TANGO6: variants seen among roughly 807,000 people sequenced by gnomAD.
The protein encoded by TANGO6 is transport and golgi organization 6 homolog.
In TANGO6, 90 loss-of-function variants were observed where a neutral mutation model predicts 114.2. That is an observed-to-expected ratio of 0.79 (90% confidence interval 0.66 to 0.94). The LOEUF is 0.94. TANGO6 is among the 40% of genes least tolerant of loss of function. The probability of loss-of-function intolerance (pLI) is 0.00; values close to 1 mark genes in which losing one functional copy is unlikely to be tolerated. For synonymous variants in TANGO6, 477 were observed against 509.8 expected (o/e 0.94, Z 0.87); for missense variants, 1,274 against 1,315.3 (o/e 0.97, Z 0.49).
intron 7 of TANGO6, among the ~76,000 whole-genome samples, chr16:68,881,068 C>T (rs921527862): frequency 1.3e-5 from 2 of 152,116 alleles, no homozygotes; most frequent in South Asian, 2.1e-4. Flanking sequence ...GGATTACAGG[C>T]GCGAGCCACT....
chr16:68,943,114 T>C (rs1017745810), intron 14 of TANGO6, among the ~76,000 whole-genome samples: 1 of 151,672 alleles, frequency 6.6e-6, no homozygotes, highest in South Asian at 2.1e-4. Flanking sequence ...TTGCCCAGAC[T>C]GGTTTCAAAC....
chr16:69,083,532 AGT>A lies in TANGO6; in HGVS notation c.3161_3162del (p.Cys1054SerfsTer5), dbSNP rs1319780352. 1 of 1,612,550 alleles carries A rather than the reference AGT, an allele frequency of 6.2e-7. No individual in the cohort carries two copies. ...ATCTCTACCACCTGCTGAAGCACGT[AGT>A]GTGTCTGGAGCCCGATGACGTGGCC... The part of the protein sequence containing the change: ...KDLYHLLKHV[V>X]CLEPDDVAKL... On this transcript the variant is annotated frameshift_variant, in exon 18 of 18. Transcript: ENST00000261778. LOFTEE classifies it high-confidence loss of function.
intron 16 of TANGO6, among the ~76,000 whole-genome samples, chr16:69,039,054 G>A (rs1376872125): frequency 1.3e-5 from 2 of 152,112 alleles, no homozygotes; most frequent in Non-Finnish European, 2.9e-5. Flanking sequence ...GTGTGGTGGC[G>A]GATGCCTGTA....
rs1386208848 is a variant in TANGO6, at chr16:68,914,334, G to A, written c.1993-4751G>A. ...CTGCAACCATGCCCGGCTAATTTTT[G>A]TATTTTTAGTAGAGATGGTGTTTCT... On this transcript the variant is annotated intron_variant, in intron 11 of 17. Coordinates refer to ENST00000261778, the MANE Select transcript of TANGO6 (RefSeq NM_024562.2). Among the ~76,000 whole-genome samples, 4 of 152,046 alleles carry A rather than the reference G, an allele frequency of 2.6e-5. No homozygotes were observed. In the East Asian group the frequency reaches 5.8e-4, roughly 22 times the overall value.
intron 15 of TANGO6, among the ~76,000 whole-genome samples, chr16:68,998,427 A>G (rs1156989831): frequency 6.6e-6 from 1 of 152,194 alleles, no homozygotes; most frequent in Non-Finnish European, 1.5e-5. Flanking sequence ...AAGACAAATC[A>G]TGGTAGAACC....
intron 4 of TANGO6, among the ~76,000 whole-genome samples, chr16:68,871,154 A>T (rs1962262000): frequency 6.6e-6 from 1 of 151,938 alleles, no homozygotes. Context: ...TTTTTGAAAG[A>T]TATTTTTTAT....
chr16:68,979,882 T>C lies in TANGO6; in HGVS notation c.2842+5714T>C, dbSNP rs1276910294. On this transcript the variant is annotated intron_variant, in intron 15 of 17. Coordinates refer to ENST00000261778, the MANE Select transcript of TANGO6 (RefSeq NM_024562.2). ...TTTTTTGTAGTGGAGTCTCGCTCTGTCACCCAGGCTGGAGTGCAGTGGCTC... is the reference window on the plus strand; with the variant it reads ...TTTTTTGTAGTGGAGTCTCGCTCTGCCACCCAGGCTGGAGTGCAGTGGCTC... Among the ~76,000 whole-genome samples the C allele has an allele frequency of 4.0e-5, 6 of 151,362 alleles. No individual in the cohort carries two copies. The East Asian group carries it at 9.7e-4, about 24-fold the overall frequency.
chr16:68,942,225 G>C (rs1425431301), intron 14 of TANGO6, among the ~76,000 whole-genome samples: 2 of 151,872 alleles, frequency 1.3e-5, no homozygotes, highest in Non-Finnish European at 2.9e-5. Flanking sequence ...GGGAAGCTGA[G>C]GCAGGAGAAT....
At chr16:68,994,672 T>C (rs1265609230) in intron 15 of TANGO6, among the ~76,000 whole-genome samples, 1 of 151,476 alleles carries the variant, frequency 6.6e-6, no homozygotes, top group Non-Finnish European at 1.5e-5. Flanking sequence ...CCTCCTGGGC[T>C]CAAACAATCC....
At chr16:68,992,101 G>A (rs1055204820) in intron 15 of TANGO6, among the ~76,000 whole-genome samples, 4 of 151,898 alleles carry the variant, frequency 2.6e-5, no homozygotes, top group East Asian at 1.9e-4. Flanking sequence ...ATATGAAATC[G>A]CTTATAAATA....
In TANGO6 at chr16:68,900,978, G is replaced by A. The variant is rs113745279; in HGVS notation, c.1490+432G>A. 4.7e-3 allele frequency among the ~76,000 whole-genome samples: 723 copies of A among 152,306 alleles called. 5 individuals are homozygous for A. Among genetic ancestry groups the A allele is most frequent in the African/African-American group, 0.017 (689 of 41,554 alleles). ...TAGCCTAGGATTTGGTGTTGGTGAT[G>A]CAGTGTGTTGTTTAGATAGAAGGGA... On this transcript the variant is annotated intron_variant, in intron 8 of 17. Transcript: ENST00000261778.
intron 17 of TANGO6, among the ~76,000 whole-genome samples, chr16:69,049,268 C>T (rs1176302937): frequency 1.3e-5 from 2 of 152,002 alleles, no homozygotes; most frequent in Admixed American, 1.3e-4. Context: ...CCCCCAAGCC[C>T]CTAGCAATCA....
intron 1 of TANGO6, among the ~76,000 whole-genome samples, chr16:68,850,741 A>G (rs1314995630): frequency 6.6e-6 from 1 of 152,194 alleles, no homozygotes; most frequent in Non-Finnish European, 1.5e-5. Flanking sequence ...CTATATGTAA[A>G]TGGGCATAAC....
Position 68,927,567 on chromosome 16 carries a change from G to A in TANGO6, c.2128-1G>A, listed in dbSNP as rs765054625. On this transcript the variant is annotated splice_acceptor_variant, in intron 12 of 17. Coordinates refer to ENST00000261778, the MANE Select transcript of TANGO6 (RefSeq NM_024562.2). LOFTEE classifies it high-confidence loss of function. ...TTGACATTTTTTATTTCATTTTGTA[G>A]TTGAAGTCAAGTGATTTTGCTGTTC... 2.5e-6 allele frequency: 4 copies of A among 1,606,016 alleles called. No individual in the cohort carries two copies. The highest frequency in any genetic ancestry group is 3.4e-6 in the Non-Finnish European group (4 of 1,173,956).
In TANGO6 at chr16:68,863,074, AG is replaced by A; in HGVS notation, c.852+16del. The A allele has an allele frequency of 6.8e-7, 1 of 1,479,302 alleles. No individual in the cohort carries two copies. The highest frequency in any genetic ancestry group is 9.1e-7 in the Non-Finnish European group (1 of 1,100,042). 91.6% of individuals were successfully genotyped at this position (1,479,302 alleles called of 1,614,324 possible). A position where few individuals can be genotyped will look rare whatever the true frequency, so the allele number is the denominator to read the frequency against. ...AGGACCACCCCAGGTACTCAGGCCT[AG>A]GGACTCTTGGGGGTGACTCATTAAT... On this transcript the variant is annotated intron_variant, in intron 3 of 17. Coordinates refer to ENST00000261778, the MANE Select transcript of TANGO6 (RefSeq NM_024562.2).
rs373988418 is a variant in TANGO6, at chr16:68,974,781, A to G, written c.2842+613A>G. Among the ~76,000 whole-genome samples the G allele has an allele frequency of 5.9e-5, 9 of 152,184 alleles. 1 individual carries two copies. Among genetic ancestry groups the G allele is most frequent in the Admixed American group, 2.0e-4 (3 of 15,274 alleles). On this transcript the variant is annotated intron_variant, in intron 15 of 17. Transcript: ENST00000261778. ...CTTGAGCAGCAGCAAGCACAAAAAG[A>G]AGAGGAATGTCAGCTGGGCACCATG...
intron 4 of TANGO6, among the ~76,000 whole-genome samples, chr16:68,874,779 C>A (rs1256990919): frequency 1.3e-5 from 2 of 152,074 alleles, no homozygotes; most frequent in African/African-American, 4.8e-5. Context: ...AAAACCCTGT[C>A]TCTACTAAAA....
At chr16:68,872,666 A>AT (rs34193925) in intron 4 of TANGO6, among the ~76,000 whole-genome samples, 146 of 139,192 alleles carry the variant, frequency 1.0e-3, no homozygotes, top group Middle Eastern at 3.8e-3. Context: ...ATGCCTGGTA[A>AT]TTTTTTTTTT....
intron 11 of TANGO6, among the ~76,000 whole-genome samples, chr16:68,916,988 A>G (rs1963014708): frequency 6.6e-6 from 1 of 152,126 alleles, no homozygotes; most frequent in East Asian, 1.9e-4. Context: ...ACAAATTTGC[A>G]ATGCCCTGTA....
Sources: gnomAD v4.1 joint callset for allele counts (sites outside exome capture counted in the v4.1 genomes callset) on GRCh38, gnomAD v4.1.1 for gene constraint, MANE v1.5 for transcripts, NCBI Gene and HGNC (gene_info 2026-07-23, HGNC 2026-07-21) for gene names.